NOTCH2NLC: variants seen among roughly 807,000 people sequenced by gnomAD.
NOTCH2NLC encodes notch 2 N-terminal like C.
NOTCH2NLC carries 4 observed loss-of-function variants against 17.7 expected under a neutral mutation model. That is an observed-to-expected ratio of 0.23 (90% CI 0.11 to 0.52). NOTCH2NLC has a LOEUF of 0.52. Among genes scored for constraint, NOTCH2NLC ranks in the 20% least tolerant of loss-of-function variants. The pLI is 0.96. For missense variants in NOTCH2NLC, 57 were observed against 207.2 expected (o/e 0.28, Z 4.45); for synonymous variants, 18 against 86.0 (o/e 0.21, Z 4.38).
intron 1 of NOTCH2NLC, among the ~76,000 whole-genome samples, chr1:149,420,000 G>C (rs1385118470): frequency 2.1e-5 from 3 of 143,368 alleles, no homozygotes; most frequent in Non-Finnish European, 4.6e-5. Context: ...CCTAGTAGCT[G>C]GGACTACAGG....
At chr1:149,460,270 CT>C (rs2084634433) in intron 3 of NOTCH2NLC, among the ~76,000 whole-genome samples, 1 of 148,788 alleles carries the variant, frequency 6.7e-6, no homozygotes, top group African/African-American at 2.5e-5. Flanking sequence ...TAAAATGTCA[CT>C]CTGAAATGGT....
intron 2 of NOTCH2NLC, among the ~76,000 whole-genome samples, chr1:149,449,695 T>C (rs1266470815): frequency 5.9e-5 from 9 of 151,370 alleles, no homozygotes; most frequent in African/African-American, 2.2e-4. Flanking sequence ...TAGTAGACTT[T>C]AGTATTTCCA....
At chr1:149,433,973 G>A (rs1344310424) in intron 2 of NOTCH2NLC, among the ~76,000 whole-genome samples, 1 of 144,510 alleles carries the variant, frequency 6.9e-6, no homozygotes, top group African/African-American at 2.5e-5. Flanking sequence ...AGAAAATGGA[G>A]CTGCCTAAAT....
chr1:149,471,720 T>C lies in NOTCH2NLC; in HGVS notation c.*7567T>C, dbSNP rs1402754237. ...GGTAGTGGTGATGGTTGCAGAACTT[T>C]TGGAATATGGTAAAAGACACTGAAA... On this transcript the variant is annotated 3_prime_UTR_variant, in exon 5 of 5. Transcript: ENST00000650865. 2.0e-5 allele frequency among the ~76,000 whole-genome samples: 3 copies of C among 149,810 alleles called. No individual in the cohort carries two copies. Among genetic ancestry groups the C allele is most frequent in the African/African-American group, 7.4e-5 (3 of 40,706 alleles).
chr1:149,393,069 C>CAAAAAAAAAAAAA (rs1158506660), intron 1 of NOTCH2NLC, among the ~76,000 whole-genome samples: 3 of 43,070 alleles, frequency 7.0e-5, no homozygotes, highest in African/African-American at 2.5e-4. Flanking sequence ...GACTCCGTCT[C>CAAAAAAAAAAAAA]AAAAAAAAAA....
chr1:149,437,163 A>C (rs1570913308), intron 2 of NOTCH2NLC, among the ~76,000 whole-genome samples: 1 of 144,974 alleles, frequency 6.9e-6, no homozygotes, highest in African/African-American at 2.6e-5. Context: ...CCTTCTGTAC[A>C]GGGGCTGCCA....
rs1234394615 is a variant in NOTCH2NLC at position 149,417,266 on chromosome 1, C to T, written c.136-13676C>T. ...CTGGGATTACAGGTGCCCGCCACCA[C>T]GCCCGCTAATTTTTTGTATTTTCAG... is the stretch of plus-strand genomic sequence containing the variant. On this transcript the variant is annotated intron_variant, in intron 1 of 4. Coordinates refer to ENST00000650865, the MANE Select transcript of NOTCH2NLC (RefSeq NM_001364013.2). Among the ~76,000 whole-genome samples the T allele has an allele frequency of 1.2e-4, 18 of 150,154 alleles. 1 individual carries two copies. The highest frequency in any genetic ancestry group is 2.0e-4 in the East Asian group (1 of 5,060).
chr1:149,409,345 T>C (rs2084286267), intron 1 of NOTCH2NLC, among the ~76,000 whole-genome samples: 2 of 150,570 alleles, frequency 1.3e-5, no homozygotes, highest in Non-Finnish European at 3.0e-5. Flanking sequence ...TGTGTGTGTG[T>C]GTGTGTTGGG....
At chr1:149,424,945 C>A (rs1363408665) in intron 1 of NOTCH2NLC, among the ~76,000 whole-genome samples, 1 of 151,290 alleles carries the variant, frequency 6.6e-6, no homozygotes, top group Non-Finnish European at 1.5e-5. Flanking sequence ...GAGAGATCTG[C>A]CCCCATAACC....
In NOTCH2NLC at chr1:149,437,863, C is replaced by T. The variant is rs1158399609; in HGVS notation, c.209+6848C>T. 2.7e-5 allele frequency among the ~76,000 whole-genome samples: 4 copies of T among 146,946 alleles called. 1 individual carries two copies. In the East Asian group the frequency reaches 8.9e-4, roughly 33 times the overall value. ...AGTTAAAGTCTATAATGCTAGCTAA[C>T]ATTATTGCATATTAGGGTCTGTTCT... On this transcript the variant is annotated intron_variant, in intron 2 of 4. Transcript: ENST00000650865.
In NOTCH2NLC at chr1:149,421,118, CAAG is replaced by C. The variant is rs1220280199; in HGVS notation, c.136-9819_136-9817del. On this transcript the variant is annotated intron_variant, in intron 1 of 4. Coordinates refer to ENST00000650865, the MANE Select transcript of NOTCH2NLC (RefSeq NM_001364013.2). ...TATGTTGTTTCTTTTGGGTGTATAG[CAAG>C]AAGATTATATATATTTATAAATTTT... 3.0e-5 allele frequency among the ~76,000 whole-genome samples: 3 copies of C among 100,644 alleles called. No individual in the cohort carries two copies. In the East Asian group the frequency reaches 7.9e-4, roughly 26 times the overall value. 66.0% of individuals were successfully genotyped at this position (100,644 alleles called of 152,430 possible).
At chr1:149,446,557 C>G (rs1487766697) in intron 2 of NOTCH2NLC, among the ~76,000 whole-genome samples, 1 of 150,608 alleles carries the variant, frequency 6.6e-6, no homozygotes. Flanking sequence ...AGGCAGGTCT[C>G]GAACTTCCGC....
chr1:149,417,197 C>T (rs1295716972), intron 1 of NOTCH2NLC, among the ~76,000 whole-genome samples: 1 of 146,090 alleles, frequency 6.8e-6, no homozygotes, highest in Non-Finnish European at 1.5e-5. Context: ...GCAAGCTCCG[C>T]CTCCCGGGTT....
chr1:149,416,729 A>T (rs1438863716), intron 1 of NOTCH2NLC, among the ~76,000 whole-genome samples: 2 of 150,218 alleles, frequency 1.3e-5, no homozygotes. Context: ...GTCATAGGGT[A>T]GTTTTTTTTT....
At chr1:149,420,044 G>A (rs2084370678) in intron 1 of NOTCH2NLC, among the ~76,000 whole-genome samples, 1 of 145,062 alleles carries the variant, frequency 6.9e-6, no homozygotes, top group South Asian at 2.2e-4. Context: ...TTTTTTTTTT[G>A]TACTTTTAGT....
intron 1 of NOTCH2NLC, among the ~76,000 whole-genome samples, chr1:149,417,196 G>A (rs1244211628): frequency 2.4e-5 from 3 of 124,168 alleles, no homozygotes; most frequent in Admixed American, 1.0e-4. Context: ...TGCAAGCTCC[G>A]CCTCCCGGGT....
Position 149,462,077 on chromosome 1 carries a change from C to T in NOTCH2NLC, c.470-1414C>T, listed in dbSNP as rs1424381613. Among the ~76,000 whole-genome samples, 41 of 141,588 alleles carry T rather than the reference C, an allele frequency of 2.9e-4. 1 individual carries two copies. The highest frequency in any genetic ancestry group is 5.0e-4 in the Non-Finnish European group (32 of 64,270). The allele number at this position is 141,588 out of a possible 152,430, so 92.9% of individuals were successfully genotyped here. A position where few individuals can be genotyped will look rare whatever the true frequency, so the allele number is the denominator to read the frequency against. On this transcript the variant is annotated intron_variant, in intron 3 of 4. Transcript: ENST00000650865. ...AGCACACCAACATGGCACATATATA[C>T]ATATGTAACAAACCTGCATGTTGTG... is the stretch of plus-strand genomic sequence containing the variant.
At chr1:149,394,376 A>C (rs1344397273) in intron 1 of NOTCH2NLC, among the ~76,000 whole-genome samples, 1 of 151,194 alleles carries the variant, frequency 6.6e-6, no homozygotes, top group South Asian at 2.1e-4. Context: ...TAGTCATTCC[A>C]GTGTTTAACA....
At position 149,454,721 on chromosome 1, in the gene NOTCH2NLC, A is replaced by T. The variant is rs2084607188; in HGVS notation, c.210-597A>T. ...ACCTCCTTTCCCTTTTTCTGTTGTAATGTCAGCCACCTGAACATAACCCAG... is the reference window on the plus strand; with the variant it reads ...ACCTCCTTTCCCTTTTTCTGTTGTATTGTCAGCCACCTGAACATAACCCAG... On this transcript the variant is annotated intron_variant, in intron 2 of 4. Coordinates refer to ENST00000650865, the MANE Select transcript of NOTCH2NLC (RefSeq NM_001364013.2). 8.6e-5 allele frequency among the ~76,000 whole-genome samples: 13 copies of T among 150,858 alleles called. No individual in the cohort carries two copies. In the South Asian group the frequency reaches 2.7e-3, roughly 32 times the overall value.
Sources: allele counts gnomAD v4.1 joint callset (sites outside exome capture counted in the v4.1 genomes callset), GRCh38; gene constraint gnomAD v4.1.1; transcripts MANE v1.5; gene names NCBI Gene and HGNC (gene_info 2026-07-23, HGNC 2026-07-21).